The following UTP20 variants were observed in gnomAD, a reference collection of about 807,000 sequenced individuals.
The protein encoded by UTP20 is small subunit processome component 20 homolog.
A neutral mutation model predicts 329.5 loss-of-function variants in UTP20; 164 were observed. That is an observed-to-expected ratio of 0.50 (90% CI 0.44 to 0.57). The LOEUF is 0.57. UTP20 is among the 20% of genes least tolerant of loss of function. The probability of loss-of-function intolerance (pLI) is 0.00; values close to 1 mark genes in which losing one functional copy is unlikely to be tolerated. For synonymous variants in UTP20, 1,151 were observed against 1,159.3 expected, an observed-to-expected ratio of 0.99 and a Z score of 0.14; for missense variants, 3,055 against 3,284.2, an observed-to-expected ratio of 0.93 and a Z score of 1.71.
At position 101,286,388 on chromosome 12, in the gene UTP20, A is replaced by T. The variant is rs373688404; in HGVS notation, c.394A>T (p.Thr132Ser). 9.6e-5 allele frequency: 155 copies of T among 1,613,372 alleles called. No homozygotes were observed. The highest frequency in any genetic ancestry group is 1.2e-4 in the Non-Finnish European group (142 of 1,179,812). ...FYPHFPEFFLTITSILETQDT... is the reference protein window; with the variant it reads ...FYPHFPEFFLSITSILETQDT... ...CCCACACTTTCCAGAGTTTTTTTTG[A>T]CTATCACCTCGATCCTGGAGACTCA... Residue 132 changes from threonine (T) to serine (S), a missense_variant, in exon 5 of 62, where the codon ACT becomes TCT. This residue lies in a region of UTP20 where 2,445 missense variants were observed against 2,575.5 expected (regional missense o/e 0.95). Transcript: ENST00000261637.
chr12:101,366,915 CTCTAA>C (rs1265330525), intron 47 of UTP20, among the ~76,000 whole-genome samples: 1 of 151,932 alleles, frequency 6.6e-6, no homozygotes, highest in Non-Finnish European at 1.5e-5. Flanking sequence ...AATGATTCTG[CTCTAA>C]TATGTATTAA....
chr12:101,285,552 C>T lies in UTP20; in HGVS notation c.127-18C>T. 2 of 1,610,704 alleles carry T rather than the reference C, an allele frequency of 1.2e-6. No homozygotes were observed. Among genetic ancestry groups the T allele is most frequent in the Non-Finnish European group, 1.7e-6 (2 of 1,177,540 alleles). On this transcript the variant is annotated intron_variant, in intron 2 of 61. Coordinates refer to ENST00000261637, the MANE Select transcript of UTP20 (RefSeq NM_014503.3). ...TTCTTAGAGTTATTTGATTAATGGA[C>T]TGCTTTAATCTTGACAGGAGGTTGA... is the stretch of plus-strand genomic sequence containing the variant.
intron 5 of UTP20, among the ~76,000 whole-genome samples, chr12:101,286,754 A>G (rs1871973574): frequency 6.6e-6 from 1 of 151,730 alleles, no homozygotes; most frequent in African/African-American, 2.4e-5. Flanking sequence ...GCCTCCACAA[A>G]CAGGCACCTT....
At chr12:101,360,271 G>C (rs1328638796) in intron 43 of UTP20, among the ~76,000 whole-genome samples, 2 of 152,198 alleles carry the variant, frequency 1.3e-5, no homozygotes, top group African/African-American at 4.8e-5. Context: ...GCACAGTGGT[G>C]TGTACCTTTA....
intron 31 of UTP20, among the ~76,000 whole-genome samples, chr12:101,339,868 T>C (rs1275092117): frequency 6.6e-6 from 1 of 152,238 alleles, no homozygotes; most frequent in Non-Finnish European, 1.5e-5. Context: ...AGTGATATGT[T>C]CGAATCCTCT....
rs1177541113 is a variant in UTP20, at chr12:101,369,713, T to TTG, written c.6385-7_6385-6insGT. ...CAAGTTGGTGGTGTTTTGTTTTGTT[T>TTG]TTTTCAGGTGATCACAGGTGCTTTA... On this transcript the variant is annotated splice_polypyrimidine_tract_variant and splice_region_variant and intron_variant, in intron 48 of 61. Coordinates refer to ENST00000261637, the MANE Select transcript of UTP20 (RefSeq NM_014503.3). The TTG allele has an allele frequency of 2.7e-6, 4 of 1,493,886 alleles. No individual in the cohort carries two copies. Among genetic ancestry groups the TTG allele is most frequent in the Non-Finnish European group, 3.7e-6 (4 of 1,072,096 alleles). The allele number at this position is 1,493,886 out of a possible 1,614,324, so 92.5% of individuals were successfully genotyped here. A position where few individuals can be genotyped will look rare whatever the true frequency, so the allele number is the denominator to read the frequency against.
chr12:101,365,686 G>T, intron 46 of UTP20, 61 bp downstream of exon 46: 3 of 1,375,158 alleles, frequency 2.2e-6, no homozygotes, highest in Non-Finnish European at 2.9e-6. Context: ...CCATTCTGTG[G>T]GTTGTTTTAA....
intron 21 of UTP20, among the ~76,000 whole-genome samples, chr12:101,316,944 T>C (rs1872989522): frequency 6.6e-6 from 1 of 152,234 alleles, no homozygotes; most frequent in Admixed American, 6.5e-5. Flanking sequence ...TTTCATTACA[T>C]GGACATTCAG....
In UTP20 at chr12:101,338,192, C is replaced by A; in HGVS notation, c.3783C>A (p.Asn1261Lys). ...TGGACATAGTTGATGACCTTCTTAA[C>A]CTTCCAGATTTCGAGCCTACAGAAA... is the stretch of plus-strand genomic sequence containing the variant. ...IVMDIVDDLL[N>K]LPDFEPTETV... The change falls in exon 30 of 62, where the codon AAC becomes AAA. Residue 1261 changes from asparagine (N) to lysine (K), a missense_variant. Around this residue, in one of 3 missense-constraint regions of UTP20, gnomAD observed 2,445 missense variants for 2,575.5 expected, o/e 0.95. Transcript: ENST00000261637. 2 of 1,614,138 alleles carry A rather than the reference C, an allele frequency of 1.2e-6. No individual in the cohort carries two copies. The highest frequency in any genetic ancestry group is 1.7e-6 in the Non-Finnish European group (2 of 1,180,012).
chr12:101,331,369 T>C (rs1868752451), intron 27 of UTP20, among the ~76,000 whole-genome samples: 1 of 152,324 alleles, frequency 6.6e-6, no homozygotes, highest in African/African-American at 2.4e-5. Flanking sequence ...TTTTCAAATA[T>C]CAGGGATAAT....
rs146645137 is a variant in UTP20, at chr12:101,347,416, G to A, written c.4884+828G>A. Among the ~76,000 whole-genome samples the A allele has an allele frequency of 1.0e-3, 158 of 152,120 alleles. 2 individuals are homozygous for A. Among genetic ancestry groups the A allele is most frequent in the African/African-American group, 3.6e-3 (150 of 41,506 alleles). The stretch of plus-strand genomic sequence containing the variant: ...TGCATGCCTGTAATCCCAGCTACTC[G>A]GGAGGCTGAGGCAGGAGGATCATTT... On this transcript the variant is annotated intron_variant, in intron 38 of 61. Coordinates refer to ENST00000261637, the MANE Select transcript of UTP20 (RefSeq NM_014503.3).
chr12:101,377,388 T>C (rs1237761347), intron 56 of UTP20, among the ~76,000 whole-genome samples: 1 of 152,124 alleles, frequency 6.6e-6, no homozygotes, highest in Non-Finnish European at 1.5e-5. Context: ...TGGAGTGTAG[T>C]TGTGCGATCT....
chr12:101,281,105 T>A lies in UTP20; in HGVS notation c.46-11T>A, dbSNP rs1348498108. On this transcript the variant is annotated splice_polypyrimidine_tract_variant and intron_variant, in intron 1 of 61. Transcript: ENST00000261637. ...ATTAATTATGTATCTTAAATATACT[T>A]TCCCTTCCAGTTTCTTACATTTGCT... 2 of 1,605,412 alleles carry A rather than the reference T, an allele frequency of 1.2e-6. No homozygotes were observed. Among genetic ancestry groups the A allele is most frequent in the Non-Finnish European group, 1.7e-6 (2 of 1,173,682 alleles).
At chr12:101,284,162 G>T (rs1327650994) in intron 2 of UTP20, among the ~76,000 whole-genome samples, 5 of 152,026 alleles carry the variant, frequency 3.3e-5, no homozygotes, top group Non-Finnish European at 7.4e-5. Flanking sequence ...ATTGTGTGAT[G>T]CTGAGGTTTG....
chr12:101,319,248 T>A (rs1191330040), intron 22 of UTP20, among the ~76,000 whole-genome samples: 2 of 152,188 alleles, frequency 1.3e-5, no homozygotes, highest in Non-Finnish European at 2.9e-5. Flanking sequence ...AGTTTAATTT[T>A]GGAATATTTT....
intron 14 of UTP20, among the ~76,000 whole-genome samples, chr12:101,301,419 G>A (rs1872519894): frequency 6.6e-6 from 1 of 152,178 alleles, no homozygotes; most frequent in Non-Finnish European, 1.5e-5. Context: ...GGTAATCCCA[G>A]CACTTTGCGA....
chr12:101,366,637 G>A lies in UTP20; in HGVS notation c.6205G>A (p.Gly2069Arg). Residue 2069 changes from glycine to arginine, a missense_variant, in exon 47 of 62, where the codon GGA becomes AGA. Around this residue, in one of 3 missense-constraint regions of UTP20, gnomAD observed 2,445 missense variants for 2,575.5 expected, o/e 0.95. Transcript: ENST00000261637. ...GCTTCCCCCAACTCCAGTTCGAGGT[G>A]GACAGAAAGCTGTTGTGAGCAGGAA... ...LLLPPTPVRGGQKAVVSRKTN... is the reference protein window; with the variant it reads ...LLLPPTPVRGRQKAVVSRKTN... 1 of 1,614,088 alleles carries A rather than the reference G, an allele frequency of 6.2e-7. No homozygotes were observed. Among genetic ancestry groups the A allele is most frequent in the Non-Finnish European group, 8.5e-7 (1 of 1,180,008 alleles).
intron 38 of UTP20, among the ~76,000 whole-genome samples, chr12:101,349,886 C>CT (rs977438053): frequency 5.9e-4 from 87 of 148,324 alleles, no homozygotes; most frequent in South Asian, 4.7e-3. Context: ...TTTTTTTCAT[C>CT]TTTTTTTTTT....
In UTP20 at chr12:101,299,977, C is replaced by T. The variant is rs919911727; in HGVS notation, c.1591C>T (p.Leu531Phe). Residue 531 changes from leucine to phenylalanine, a missense_variant, in exon 14 of 62, where the codon CTT becomes TTT. By Grantham distance (22) the Leu-to-Phe change is conservative. This residue lies in a region of UTP20 where 2,445 missense variants were observed against 2,575.5 expected (regional missense o/e 0.95). Transcript: ENST00000261637. ...ALVVLPHIRP[L>F]EKEKVIPLVT... ...CTTTTTCTCCCCCTTGGACAGACCT[C>T]TTGAGAAAGAGAAGGTGATACCACT... The T allele has an allele frequency of 1.2e-6, 2 of 1,614,006 alleles. No individual in the cohort carries two copies. The highest frequency in any genetic ancestry group is 2.7e-5 in the African/African-American group (2 of 74,922).
Sources: allele counts gnomAD v4.1 joint callset (sites outside exome capture counted in the v4.1 genomes callset), GRCh38; gene constraint gnomAD v4.1.1; regional missense constraint gnomAD v4.1.1; transcripts MANE v1.5; gene names NCBI Gene and HGNC (gene_info 2026-07-23, HGNC 2026-07-21).